Variants in PPP2R2B observed in about 807,000 individuals in gnomAD.
PPP2R2B encodes the protein serine/threonine-protein phosphatase 2A 55 kDa regulatory subunit B beta isoform.
PPP2R2B carries 5 observed loss-of-function variants against 46.0 expected under a neutral mutation model. The ratio of observed to expected loss-of-function variants is 0.11; its 90% CI spans 0.06 to 0.23. The LOEUF (loss-of-function observed/expected upper bound fraction) is 0.23. Among genes scored for constraint, PPP2R2B ranks in the 10% least tolerant of loss-of-function variants. The pLI is 1.00. For synonymous variants in PPP2R2B, 215 were observed against 206.7 expected (o/e 1.04, Z -0.34); for missense variants, 367 against 575.0 (o/e 0.64, Z 3.70).
intron 1 of PPP2R2B, among the ~76,000 whole-genome samples, chr5:147,029,074 AC>A (rs1368194350): frequency 2.0e-5 from 3 of 152,058 alleles, no homozygotes; most frequent in African/African-American, 7.2e-5. Context: ...TGCTTTGCTA[AC>A]CTATTTTTCT....
At chr5:146,698,947 A>G (rs980286269) in intron 3 of PPP2R2B, among the ~76,000 whole-genome samples, 2 of 152,136 alleles carry the variant, frequency 1.3e-5, no homozygotes, top group African/African-American at 4.8e-5. Context: ...CAGGAAGAAA[A>G]AGAAGAAAGG....
At chr5:147,067,617 A>G (rs766001052) in intron 2 of PPP2R2B, among the ~76,000 whole-genome samples, 5 of 152,192 alleles carry the variant, frequency 3.3e-5, no homozygotes, top group Non-Finnish European at 7.3e-5. Context: ...AAAGTGGAAG[A>G]GGAAACTTCC....
intron 7 of PPP2R2B, among the ~76,000 whole-genome samples, chr5:146,637,847 A>T (rs1246598968): frequency 6.6e-6 from 1 of 152,026 alleles, no homozygotes; most frequent in Admixed American, 6.6e-5. Flanking sequence ...ATTAAAAAAA[A>T]AGATGTGTCC....
intron 1 of PPP2R2B, among the ~76,000 whole-genome samples, chr5:146,983,905 A>G (rs960002683): frequency 2.0e-5 from 3 of 151,790 alleles, no homozygotes; most frequent in Non-Finnish European, 2.9e-5. Flanking sequence ...TTCTTTTCCA[A>G]CATCTGAAAA....
intron 7 of PPP2R2B, among the ~76,000 whole-genome samples, chr5:146,618,933 G>A (rs1184784205): frequency 2.0e-5 from 3 of 152,206 alleles, no homozygotes; most frequent in African/African-American, 7.2e-5. Flanking sequence ...CCAAAGCAAT[G>A]CCACTTTGTG....
chr5:146,680,582 TAA>T lies in PPP2R2B; in HGVS notation c.447+10544_447+10545del, dbSNP rs34538093. On this transcript the variant is annotated intron_variant, in intron 5 of 9. Coordinates refer to ENST00000394411, the MANE Select transcript of PPP2R2B (RefSeq NM_181675.4). ...AAAAAACCACAGCGTTGCACACACT[TAA>T]AAAAAAAAAGTTCCCAGAAATCCTG... is the stretch of plus-strand genomic sequence containing the variant. 7.6e-3 allele frequency among the ~76,000 whole-genome samples: 1,120 copies of T among 148,202 alleles called. 16 individuals carry two copies. The highest frequency in any genetic ancestry group is 0.026 in the African/African-American group (1,059 of 40,786).
chr5:146,764,165 C>A (rs753403710), intron 2 of PPP2R2B, among the ~76,000 whole-genome samples: 4 of 152,032 alleles, frequency 2.6e-5, no homozygotes, highest in Admixed American at 1.3e-4. Flanking sequence ...ATGGAGCCAG[C>A]CCCATGACGG....
At chr5:147,047,209 A>T (rs1756584515) in intron 1 of PPP2R2B, among the ~76,000 whole-genome samples, 1 of 152,104 alleles carries the variant, frequency 6.6e-6, no homozygotes, top group Admixed American at 6.6e-5. Context: ...ACAGCTGGAT[A>T]GGAGGGATAA....
chr5:147,032,374 A>T (rs1755826925), intron 1 of PPP2R2B, among the ~76,000 whole-genome samples: 1 of 152,178 alleles, frequency 6.6e-6, no homozygotes, highest in South Asian at 2.1e-4. Flanking sequence ...TAAGAATGGC[A>T]CTGGAACAGA....
At chr5:146,848,946 T>G (rs1760175558) in intron 2 of PPP2R2B, among the ~76,000 whole-genome samples, 1 of 152,272 alleles carries the variant, frequency 6.6e-6, no homozygotes, top group South Asian at 2.1e-4. Flanking sequence ...TATATTTTAT[T>G]GCTCGGATTG....
chr5:146,874,305 A>C (rs1761777002), intron 2 of PPP2R2B, among the ~76,000 whole-genome samples: 1 of 152,230 alleles, frequency 6.6e-6, no homozygotes, highest in Non-Finnish European at 1.5e-5. Context: ...TGTTGAAGGA[A>C]TTAAAGGCAG....
intron 1 of PPP2R2B, among the ~76,000 whole-genome samples, chr5:147,054,258 A>G (rs866110279): frequency 1.2e-4 from 19 of 152,148 alleles, no homozygotes; most frequent in Non-Finnish European, 2.6e-4. Flanking sequence ...GGACAGGAGG[A>G]CCAATCAGAA....
intron 1 of PPP2R2B, among the ~76,000 whole-genome samples, chr5:146,925,920 C>G (rs1763767469): frequency 6.6e-6 from 1 of 152,076 alleles, no homozygotes. Flanking sequence ...TTGTTGAACT[C>G]TCTAGTGAAA....
At chr5:146,886,571 TC>T (rs940159764) in intron 1 of PPP2R2B, among the ~76,000 whole-genome samples, 2 of 151,942 alleles carry the variant, frequency 1.3e-5, no homozygotes, top group Non-Finnish European at 2.9e-5. Flanking sequence ...GTATGCTATA[TC>T]CTTAAGGTAT....
intron 2 of PPP2R2B, among the ~76,000 whole-genome samples, chr5:146,826,251 C>G (rs1176950426): frequency 6.6e-6 from 1 of 152,136 alleles, no homozygotes; most frequent in Non-Finnish European, 1.5e-5. Context: ...AGAGACAAAA[C>G]TTGACATCGG....
At chr5:147,059,229 G>A (rs142221512), upstream of PPP2R2B, among the ~76,000 whole-genome samples, 1 of 152,176 alleles carries the variant, frequency 6.6e-6, no homozygotes, top group African/African-American at 2.4e-5. Flanking sequence ...GGCTATGACA[G>A]CAGGAAGAGG....
At chr5:146,710,025 A>G (rs1780129328) in intron 2 of PPP2R2B, among the ~76,000 whole-genome samples, 1 of 152,142 alleles carries the variant, frequency 6.6e-6, no homozygotes, top group Non-Finnish European at 1.5e-5. Flanking sequence ...TTACTCTACC[A>G]CACAACCAAT....
chr5:146,632,449 ATGTCTTTTTTCACC>A, intron 7 of PPP2R2B, among the ~76,000 whole-genome samples: 1 of 152,216 alleles, frequency 6.6e-6, no homozygotes, highest in Non-Finnish European at 1.5e-5. Context: ...GTAAACCAAT[ATGTCTTTTTTCACC>A]TGTCTTTTCC....
At chr5:146,707,104 C>A in intron 2 of PPP2R2B, 4 of 1,573,540 alleles carry the variant, frequency 2.5e-6, no homozygotes, top group Non-Finnish European at 3.5e-6. Flanking sequence ...CTCCACCAGC[C>A]CCTGCGTGTT....
Sources: gnomAD v4.1 joint callset for allele counts (sites outside exome capture counted in the v4.1 genomes callset) on GRCh38, gnomAD v4.1.1 for gene constraint, MANE v1.5 for transcripts, NCBI Gene and HGNC (gene_info 2026-07-23, HGNC 2026-07-21) for gene names.